The following SNRPA1 variants were observed in gnomAD, a reference collection of about 807,000 sequenced individuals.
SNRPA1 encodes small nuclear ribonucleoprotein polypeptide A', also known as U2 small nuclear ribonucleoprotein A'.
A neutral mutation model predicts 32.3 loss-of-function variants in SNRPA1; 5 were observed. That is an observed-to-expected ratio of 0.15 (90% confidence interval 0.08 to 0.33). The LOEUF (loss-of-function observed/expected upper bound fraction) is 0.33, where lower values mean the gene tolerates loss of function less well. Ranked by LOEUF, SNRPA1 falls within the 10% of genes least tolerant of loss-of-function variation. The pLI is 1.00. For missense variants in SNRPA1, 198 were observed against 311.1 expected (o/e 0.64, Z 2.74); for synonymous variants, 111 against 120.1 (o/e 0.92, Z 0.50).
intron 4 of SNRPA1, among the ~76,000 whole-genome samples, chr15:101,287,278 GC>G (rs1399351839): frequency 6.6e-6 from 1 of 152,132 alleles, no homozygotes; most frequent in Non-Finnish European, 1.5e-5. Flanking sequence ...TTGGTGGGCT[GC>G]ACCCATTAAC....
chr15:101,286,373 G>T, intron 5 of SNRPA1, 80 bp from the exon 6 acceptor site: 1 of 1,303,076 alleles, frequency 7.7e-7, no homozygotes, highest in East Asian at 2.3e-5. Flanking sequence ...AGACATGGAA[G>T]CGAACTCTCC....
chr15:101,285,177 T>C lies in SNRPA1; in HGVS notation c.616-117A>G, dbSNP rs2039441266. 8.6e-6 allele frequency: 6 copies of C among 696,388 alleles called. No individual in the cohort carries two copies. In the South Asian group the frequency reaches 9.5e-5, roughly 11 times the overall value. 43.1% of individuals were successfully genotyped at this position (696,388 alleles called of 1,614,324 possible). A position where few individuals can be genotyped will look rare whatever the true frequency, so the allele number is the denominator to read the frequency against. ...ACAGCAACTTCTCCATCAGGAACAT[T>C]AAATACTTTGGTGTAGGGGGAAGAA... On this transcript the variant is annotated intron_variant, in intron 7 of 8. Coordinates refer to ENST00000254193, the MANE Select transcript of SNRPA1 (RefSeq NM_003090.4).
chr15:101,290,740 A>ATTT lies in SNRPA1; in HGVS notation c.309+1219_309+1221dup, dbSNP rs766825971. On this transcript the variant is annotated intron_variant, in intron 3 of 8. Transcript: ENST00000254193. ...ACAGATGCACGCTACCACTTTTGGC[A>ATTT]TTTTTTTTTTTTTTTTTTTTGAGAC... Among the ~76,000 whole-genome samples, 109 of 118,560 alleles carry ATTT rather than the reference A, an allele frequency of 9.2e-4. 1 individual carries two copies. Among genetic ancestry groups the ATTT allele is most frequent in the African/African-American group, 3.4e-3 (103 of 30,040 alleles). The allele number at this position is 118,560 out of a possible 152,430, so 77.8% of individuals were successfully genotyped here.
intron 5 of SNRPA1, 198 bp from the exon 6 acceptor site, chr15:101,286,491 A>G (rs930227244): frequency 2.1e-5 from 11 of 524,042 alleles, no homozygotes; most frequent in Non-Finnish European, 3.0e-5. Context: ...TCATTCTCCT[A>G]GCTCCAAGGA....
intron 3 of SNRPA1, among the ~76,000 whole-genome samples, chr15:101,291,599 A>C (rs1474927433): frequency 6.6e-6 from 1 of 151,898 alleles, no homozygotes; most frequent in Non-Finnish European, 1.5e-5. Flanking sequence ...ATAAGTAGCC[A>C]CCTGTAGTTA....
chr15:101,286,140 G>T, intron 6 of SNRPA1, 74 bp downstream of exon 6: 1 of 1,277,912 alleles, frequency 7.8e-7, no homozygotes, highest in African/African-American at 1.5e-5. Context: ...AATTTTGTAG[G>T]AGACGAACTG....
In SNRPA1 at chr15:101,295,078, C is replaced by T. The variant is rs1416594882; in HGVS notation, c.82+19G>A. 1 of 1,448,344 alleles carries T rather than the reference C, an allele frequency of 6.9e-7. No individual in the cohort carries two copies. The highest frequency in any genetic ancestry group is 2.4e-5 in the Admixed American group (1 of 40,940). 89.7% of individuals were successfully genotyped at this position (1,448,344 alleles called of 1,614,324 possible). ...CTCGGTGCCGCCTGGGGACTGGCCG[C>T]CCACGCCCCCGGACTCACCCCGGAG... is the stretch of plus-strand genomic sequence containing the variant. On this transcript the variant is annotated intron_variant, in intron 1 of 8. Coordinates refer to ENST00000254193, the MANE Select transcript of SNRPA1 (RefSeq NM_003090.4).
intron 3 of SNRPA1, 55 bp from the exon 4 acceptor site, chr15:101,287,757 T>A: frequency 6.6e-7 from 1 of 1,517,934 alleles, no homozygotes; most frequent in Non-Finnish European, 9.1e-7. Flanking sequence ...ATTTTGAGAT[T>A]CTGAAATGGA....
At chr15:101,292,763 A>C (rs1241175116) in intron 2 of SNRPA1, 8 of 254,272 alleles carry the variant, frequency 3.1e-5, no homozygotes, top group African/African-American at 1.1e-4. Flanking sequence ...CTGAACAGAT[A>C]CAAGTAAGAC....
intron 2 of SNRPA1, among the ~76,000 whole-genome samples, chr15:101,292,381 C>T (rs890261580): frequency 6.6e-6 from 1 of 152,154 alleles, no homozygotes; most frequent in African/African-American, 2.4e-5. Flanking sequence ...AGCTCAGGTA[C>T]AAGACACAAC....
In SNRPA1 at chr15:101,281,512, G is replaced by T. The variant is rs2039393557; in HGVS notation, c.*212C>A. 1.9e-6 allele frequency: 1 copy of T among 524,800 alleles called. No homozygotes were observed. Among genetic ancestry groups the T allele is most frequent in the Admixed American group, 3.4e-5 (1 of 29,254 alleles). 32.5% of individuals were successfully genotyped at this position (524,800 alleles called of 1,614,324 possible). A position where few individuals can be genotyped will look rare whatever the true frequency, so the allele number is the denominator to read the frequency against. On this transcript the variant is annotated 3_prime_UTR_variant, in exon 9 of 9. Transcript: ENST00000254193. ...AATGCACCATGATGACACACAACTT[G>T]GTAGCATAGTGAGTGGAGTTTATTT...
At position 101,294,984 on chromosome 15, in the gene SNRPA1, CCAGA is replaced by C. The variant is rs1359305914; in HGVS notation, c.82+109_82+112del. The C allele has an allele frequency of 1.4e-5, 9 of 630,938 alleles. No homozygotes were observed. The East Asian group carries it at 2.4e-4, about 17-fold the overall frequency. 39.1% of individuals were successfully genotyped at this position (630,938 alleles called of 1,614,324 possible). A position where few individuals can be genotyped will look rare whatever the true frequency, so the allele number is the denominator to read the frequency against. Reference sequence around the variant, plus strand: ...GTTCCCTGCGCAGCCCGGTCGGAGCCCAGACAACCGGCCCGCGGGCCAAGCTCCG... The same window carrying C: ...GTTCCCTGCGCAGCCCGGTCGGAGCCCAACCGGCCCGCGGGCCAAGCTCCG... On this transcript the variant is annotated intron_variant, in intron 1 of 8. Transcript: ENST00000254193.
chr15:101,282,945 T>G (rs2039413301), intron 8 of SNRPA1, among the ~76,000 whole-genome samples: 1 of 152,010 alleles, frequency 6.6e-6, no homozygotes, highest in Non-Finnish European at 1.5e-5. Context: ...CTGAAACAAC[T>G]GCACCAGTGC....
intron 7 of SNRPA1, among the ~76,000 whole-genome samples, chr15:101,285,519 G>C (rs2039445366): frequency 6.6e-6 from 1 of 152,150 alleles, no homozygotes. Context: ...GAAAGACAAA[G>C]CTGCCTCCAC....
intron 3 of SNRPA1, among the ~76,000 whole-genome samples, chr15:101,289,514 G>A (rs183354088): frequency 1.3e-5 from 2 of 152,278 alleles, no homozygotes; most frequent in East Asian, 3.9e-4. Context: ...AAGAACGGGT[G>A]GGACAGACAG....
Position 101,284,539 on chromosome 15 carries a change from G to A in SNRPA1, c.709+428C>T, listed in dbSNP as rs185138242. Among the ~76,000 whole-genome samples, 283 of 140,978 alleles carry A rather than the reference G, an allele frequency of 2.0e-3. 1 individual carries two copies. Among genetic ancestry groups the A allele is most frequent in the Middle Eastern group, 0.016 (4 of 256 alleles). 92.5% of individuals were successfully genotyped at this position (140,978 alleles called of 152,430 possible). Reference sequence around the variant, plus strand: ...TTTTTTTTGAGCTGCAGTTTTGCTCGTTGCCCAGGCTGGAGTACAAAAGTG... The same window carrying A: ...TTTTTTTTGAGCTGCAGTTTTGCTCATTGCCCAGGCTGGAGTACAAAAGTG... On this transcript the variant is annotated intron_variant, in intron 8 of 8. Transcript: ENST00000254193.
chr15:101,285,702 C>T, intron 7 of SNRPA1, 24 bp downstream of exon 7: 1 of 1,549,240 alleles, frequency 6.5e-7, no homozygotes, highest in Non-Finnish European at 8.9e-7. Context: ...TCATTCCAGT[C>T]CAAGAATCCT....
Position 101,292,059 on chromosome 15 carries a change from C to CTTAGT in SNRPA1, c.231-24_231-20dup, listed in dbSNP as rs2039532267. Reference sequence around the variant, plus strand: ...TATACGGCTAAAATAAAAATAGAGTCTTAGTAAAAGTGAAAATTAAATAAG... The same window carrying CTTAGT: ...TATACGGCTAAAATAAAAATAGAGTCTTAGTTTAGTAAAAGTGAAAATTAAATAAG... On this transcript the variant is annotated intron_variant, in intron 2 of 8. Transcript: ENST00000254193. 6.4e-7 allele frequency: 1 copy of CTTAGT among 1,564,546 alleles called. No individual in the cohort carries two copies. Among genetic ancestry groups the CTTAGT allele is most frequent in the East Asian group, 2.2e-5 (1 of 44,500 alleles).
At chr15:101,290,740 A>AT (rs766825971) in intron 3 of SNRPA1, among the ~76,000 whole-genome samples, 4,547 of 118,540 alleles carry the variant, frequency 0.038, 123 homozygotes, top group East Asian at 0.097. Flanking sequence ...CACTTTTGGC[A>AT]TTTTTTTTTT....
Sources: allele counts gnomAD v4.1 joint callset (sites outside exome capture counted in the v4.1 genomes callset), GRCh38; gene constraint gnomAD v4.1.1; transcripts MANE v1.5; gene names NCBI Gene and HGNC (gene_info 2026-07-23, HGNC 2026-07-21).